Variants in DNAH14 observed in about 807,000 individuals in gnomAD.
DNAH14 encodes the protein axonemal beta dynein heavy chain 14.
In DNAH14, 478 loss-of-function variants were observed where a neutral mutation model predicts 520.9. The observed-to-expected ratio is 0.92, with a 90% CI of 0.85 to 0.99. The LOEUF (loss-of-function observed/expected upper bound fraction) is 0.99. DNAH14 is among the 50% of genes least tolerant of loss of function. The pLI, the probability that DNAH14 is intolerant of heterozygous loss-of-function variation, is 0.00. For missense variants in DNAH14, 4,831 were observed against 5,234.5 expected (o/e 0.92, Z 2.38); for synonymous variants, 1,581 against 1,757.2 (o/e 0.90, Z 2.51).
At chr1:225,385,661 C>T (rs554723715) in intron 81 of DNAH14, among the ~76,000 whole-genome samples, 104 of 152,222 alleles carry the variant, frequency 6.8e-4, no homozygotes, top group South Asian at 6.2e-4. Flanking sequence ...ACTTAGGAAT[C>T]CAACTTACAA....
intron 27 of DNAH14, among the ~76,000 whole-genome samples, 189 bp from the exon 28 acceptor site, chr1:225,140,579 A>G (rs16844334): frequency 0.073 from 11,113 of 152,252 alleles, 633 homozygotes; most frequent in East Asian, 0.24. Context: ...TAAGGCCCCC[A>G]TAAGCATCAA....
At chr1:225,175,139 T>C (rs1448840553) in intron 36 of DNAH14, among the ~76,000 whole-genome samples, 1 of 152,190 alleles carries the variant, frequency 6.6e-6, no homozygotes, top group South Asian at 2.1e-4. Context: ...TGGTTTCCTT[T>C]TTTGTTGTGT....
chr1:225,266,620 A>C, intron 48 of DNAH14, 21 bp from the exon 49 acceptor site: 1 of 1,445,140 alleles, frequency 6.9e-7, no homozygotes. Flanking sequence ...TATATGTTTA[A>C]AACCTTTTGT....
At chr1:225,007,600 T>G (rs1216959308) in intron 10 of DNAH14, 56 bp downstream of exon 10, 5 of 1,350,248 alleles carry the variant, frequency 3.7e-6, no homozygotes, top group African/African-American at 1.5e-5. Flanking sequence ...GCTGAAGCAA[T>G]TGATCCAAAT....
At chr1:225,281,017 G>T (rs1163352579) in intron 54 of DNAH14, among the ~76,000 whole-genome samples, 1 of 152,226 alleles carries the variant, frequency 6.6e-6, no homozygotes. Flanking sequence ...TCCTTGTGAA[G>T]AATAATGAGC....
chr1:224,937,710 G>A (rs1287249914), intron 1 of DNAH14, among the ~76,000 whole-genome samples: 2 of 151,928 alleles, frequency 1.3e-5, no homozygotes, highest in Admixed American at 6.6e-5. Flanking sequence ...TCTAAAATTT[G>A]TATGGAACCA....
At chr1:225,096,228 C>T (rs554028414) in intron 21 of DNAH14, among the ~76,000 whole-genome samples, 15 of 152,216 alleles carry the variant, frequency 9.9e-5, no homozygotes, top group East Asian at 9.7e-4. Context: ...GTGACCTGCA[C>T]GCCTCAGCCT....
intron 8 of DNAH14, among the ~76,000 whole-genome samples, chr1:224,977,797 A>C (rs1471474370): frequency 3.3e-5 from 5 of 152,328 alleles, no homozygotes; most frequent in Admixed American, 2.0e-4. Context: ...AATATGCAGA[A>C]TATAAAGGGG....
At chr1:225,210,038 C>T (rs1435260690) in intron 41 of DNAH14, among the ~76,000 whole-genome samples, 1 of 152,106 alleles carries the variant, frequency 6.6e-6, no homozygotes, top group Non-Finnish European at 1.5e-5. Flanking sequence ...GCCTACACCA[C>T]AAGGGCCTTG....
intron 49 of DNAH14, among the ~76,000 whole-genome samples, chr1:225,267,377 T>C (rs2093156644): frequency 6.9e-6 from 1 of 144,242 alleles, no homozygotes; most frequent in African/African-American, 2.5e-5. Context: ...CACTGCAAAC[T>C]CCGCCTCCCA....
At chr1:225,281,342 A>ATC (rs142569037) in intron 54 of DNAH14, among the ~76,000 whole-genome samples, 9,144 of 150,386 alleles carry the variant, frequency 0.061, 341 homozygotes, top group Non-Finnish European at 0.082. Flanking sequence ...CAGTCATAAC[A>ATC]TCTCTCTCTC....
intron 27 of DNAH14, among the ~76,000 whole-genome samples, chr1:225,129,818 G>A (rs187195597): frequency 9.2e-5 from 14 of 152,236 alleles, no homozygotes; most frequent in African/African-American, 3.4e-4. Context: ...ATTGACAAAT[G>A]GAATCTAATT....
intron 23 of DNAH14, among the ~76,000 whole-genome samples, chr1:225,104,976 T>A (rs1224999887): frequency 6.6e-6 from 1 of 152,212 alleles, no homozygotes; most frequent in Admixed American, 6.5e-5. Context: ...AATTGTGATG[T>A]TAGGGTGTCA....
intron 29 of DNAH14, 142 bp from the exon 30 acceptor site, chr1:225,145,184 A>C: frequency 1.7e-6 from 1 of 591,800 alleles, no homozygotes; most frequent in Non-Finnish European, 2.9e-6. Flanking sequence ...AGTTTTGTGA[A>C]TCTCTAAATT....
In DNAH14 at chr1:225,079,407, T is replaced by A; in HGVS notation, c.2625T>A (p.Val875=). ...ISEEQIAIFQ[V]LLLKFSQLKS... ...AAGAGCAAATTGCCATATTCCAAGT[T>A]CTTCTTCTTAAGTTTAGTCAACTAA... Residue 875 remains valine (V), a synonymous_variant, in exon 18 of 86, where the codon GTT becomes GTA. Transcript: ENST00000682510. 3 of 1,549,522 alleles carry A rather than the reference T, an allele frequency of 1.9e-6. No individual in the cohort carries two copies. Among genetic ancestry groups the A allele is most frequent in the Non-Finnish European group, 2.6e-6 (3 of 1,146,634 alleles).
intron 73 of DNAH14, among the ~76,000 whole-genome samples, chr1:225,358,291 C>A (rs932255505): frequency 6.6e-6 from 1 of 152,206 alleles, no homozygotes; most frequent in Non-Finnish European, 1.5e-5. Context: ...GCGCTGGTAT[C>A]TAAGAAGGGC....
At chr1:225,035,574 C>T (rs1028429524) in intron 11 of DNAH14, among the ~76,000 whole-genome samples, 5 of 151,884 alleles carry the variant, frequency 3.3e-5, no homozygotes, top group Non-Finnish European at 7.4e-5. Context: ...TGCAGTATCC[C>T]ATAGGTTTGG....
At chr1:225,222,980 A>G (rs981784930) in intron 41 of DNAH14, among the ~76,000 whole-genome samples, 3 of 152,084 alleles carry the variant, frequency 2.0e-5, no homozygotes, top group Non-Finnish European at 4.4e-5. Flanking sequence ...TCAATTCTAC[A>G]CAGAAGAGCC....
intron 8 of DNAH14, among the ~76,000 whole-genome samples, chr1:224,990,516 T>C (rs1298285010): frequency 6.6e-6 from 1 of 152,232 alleles, no homozygotes; most frequent in South Asian, 2.1e-4. Context: ...CCTGCTTTTT[T>C]CAGTTTGATT....
Sources: gnomAD v4.1 joint callset for allele counts (sites outside exome capture counted in the v4.1 genomes callset) on GRCh38, gnomAD v4.1.1 for gene constraint, MANE v1.5 for transcripts, NCBI Gene and HGNC (gene_info 2026-07-23, HGNC 2026-07-21) for gene names.